DOCK7: variants seen among roughly 807,000 people sequenced by gnomAD.
DOCK7 encodes dedicator of cytokinesis 7, also known as dedicator of cytokinesis protein 7.
Under a neutral mutation model 271.0 loss-of-function variants are expected in DOCK7, and 138 were observed. The observed-to-expected ratio is 0.51, with a 90% CI of 0.44 to 0.59. The LOEUF (loss-of-function observed/expected upper bound fraction) is 0.59. DOCK7 is among the 20% of genes least tolerant of loss of function. The pLI, the probability that DOCK7 is intolerant of heterozygous loss-of-function variation, is 0.00. For synonymous variants in DOCK7, 823 were observed against 876.1 expected, an observed-to-expected ratio of 0.94 and a Z score of 1.07; for missense variants, 2,066 against 2,592.4, an observed-to-expected ratio of 0.80 and a Z score of 4.41.
chr1:62,518,490 C>T (rs1463332231), intron 31 of DOCK7, among the ~76,000 whole-genome samples: 2 of 151,704 alleles, frequency 1.3e-5, no homozygotes, highest in Admixed American at 6.6e-5. Flanking sequence ...AGGAGAATGG[C>T]GTGAACCCAG....
intron 14 of DOCK7, among the ~76,000 whole-genome samples, chr1:62,612,355 A>T (rs1651901051): frequency 6.6e-6 from 1 of 152,138 alleles, no homozygotes; most frequent in Admixed American, 6.5e-5. Context: ...CAGTGAGGGA[A>T]CAACACAGAC....
At chr1:62,684,870 C>A (rs1213134507) in intron 1 of DOCK7, among the ~76,000 whole-genome samples, 1 of 152,080 alleles carries the variant, frequency 6.6e-6, no homozygotes, top group Non-Finnish European at 1.5e-5. Flanking sequence ...ATCACAGCCT[C>A]AAAAAATAAC....
At chr1:62,604,811 T>C (rs1650728405) in intron 14 of DOCK7, 1 of 1,612,622 alleles carries the variant, frequency 6.2e-7, no homozygotes, top group Non-Finnish European at 8.5e-7. Context: ...CAGAAAGCTT[T>C]GAATGAACTG....
At chr1:62,666,167 A>G (rs1659296915) in intron 1 of DOCK7, among the ~76,000 whole-genome samples, 1 of 152,140 alleles carries the variant, frequency 6.6e-6, no homozygotes, top group Non-Finnish European at 1.5e-5. Context: ...CTGTCACAAA[A>G]ATAAATAAAT....
chr1:62,585,713 A>G (rs1051758363), intron 15 of DOCK7, among the ~76,000 whole-genome samples: 2 of 152,204 alleles, frequency 1.3e-5, no homozygotes, highest in African/African-American at 4.8e-5. Context: ...CTTTGGTTTC[A>G]GCACAAAAGT....
chr1:62,546,298 G>T (rs1645705481), intron 22 of DOCK7, among the ~76,000 whole-genome samples: 2 of 152,010 alleles, frequency 1.3e-5, no homozygotes, highest in African/African-American at 4.8e-5. Flanking sequence ...AAAAAGAAAA[G>T]AAAGAAAAAC....
chr1:62,517,978 T>C (rs887354194), intron 31 of DOCK7, among the ~76,000 whole-genome samples: 2 of 152,216 alleles, frequency 1.3e-5, no homozygotes, highest in South Asian at 2.1e-4. Flanking sequence ...TACATAATTA[T>C]ATTTTCTAAC....
At chr1:62,487,341 A>T in intron 43 of DOCK7, 57 bp downstream of exon 43, 1 of 1,564,004 alleles carries the variant, frequency 6.4e-7, no homozygotes, top group Non-Finnish European at 8.8e-7. Context: ...GCATTGGCAT[A>T]AGAAATCTGA....
chr1:62,554,926 A>T (rs1410701274), intron 21 of DOCK7, among the ~76,000 whole-genome samples: 2 of 152,250 alleles, frequency 1.3e-5, no homozygotes, highest in Admixed American at 1.3e-4. Context: ...GGTTACTATT[A>T]TGTCTAGTGT....
chr1:62,683,701 G>A (rs1245108937), intron 1 of DOCK7, among the ~76,000 whole-genome samples: 4 of 151,792 alleles, frequency 2.6e-5, no homozygotes, highest in Non-Finnish European at 4.4e-5. Context: ...TTGGGAGGCC[G>A]AGGTGGGCAG....
At chr1:62,584,483 T>C (rs187884614) in intron 15 of DOCK7, 725 of 1,046,926 alleles carry the variant, frequency 6.9e-4, no homozygotes, top group Middle Eastern at 2.7e-3. Context: ...CATAAAAACA[T>C]TGTATTTTCA....
chr1:62,646,149 C>T (rs377590350), intron 7 of DOCK7, among the ~76,000 whole-genome samples: 25 of 116,490 alleles, frequency 2.1e-4, no homozygotes, highest in African/African-American at 6.9e-4. Context: ...GAGTGAGACT[C>T]CGTCTCAAAA....
At chr1:62,460,071 G>C (rs1478382665) in intron 48 of DOCK7, among the ~76,000 whole-genome samples, 1 of 125,410 alleles carries the variant, frequency 8.0e-6, no homozygotes, top group African/African-American at 3.1e-5. Flanking sequence ...CTACACTCCA[G>C]CCTGGGTGAC....
intron 14 of DOCK7, among the ~76,000 whole-genome samples, chr1:62,600,418 C>A (rs1258294686): frequency 6.6e-6 from 1 of 151,682 alleles, no homozygotes; most frequent in African/African-American, 2.4e-5. Context: ...ATCATTCATG[C>A]CAGCATCAAA....
chr1:62,667,207 A>G (rs1378378177), intron 1 of DOCK7, among the ~76,000 whole-genome samples: 1 of 152,216 alleles, frequency 6.6e-6, no homozygotes, highest in Non-Finnish European at 1.5e-5. Flanking sequence ...GAAAAAATGA[A>G]TAAGGAGAGT....
At chr1:62,570,458 G>A (rs10789115) in intron 18 of DOCK7, among the ~76,000 whole-genome samples, 59,458 of 151,936 alleles carry the variant, frequency 0.39, 12,518 homozygotes, top group African/African-American at 0.55. Flanking sequence ...AATCAATATC[G>A]TGAAAATGGC....
intron 18 of DOCK7, among the ~76,000 whole-genome samples, chr1:62,563,039 T>C (rs770040864): frequency 4.6e-5 from 7 of 152,140 alleles, no homozygotes; most frequent in South Asian, 2.1e-4. Context: ...TGCCTGGTGA[T>C]AGCAAGCCCC....
At position 62,593,742 on chromosome 1, in the gene DOCK7, C is replaced by T. The variant is rs141865032; in HGVS notation, c.1683-7118G>A. 5.2e-3 allele frequency among the ~76,000 whole-genome samples: 788 copies of T among 152,236 alleles called. 3 individuals carry two copies. The highest frequency in any genetic ancestry group is 0.017 in the African/African-American group (719 of 41,554). ...TCTGGATCTACACTGTCCAAAAAGA[C>T]GGTCTAATGAGACAATTGAGCACTT... On this transcript the variant is annotated intron_variant, in intron 14 of 49. Coordinates refer to ENST00000635253, the MANE Select transcript of DOCK7 (RefSeq NM_001367561.1).
At chr1:62,519,660 C>T (rs1195910559) in intron 31 of DOCK7, among the ~76,000 whole-genome samples, 1 of 151,846 alleles carries the variant, frequency 6.6e-6, no homozygotes. Flanking sequence ...GCAATGTGAT[C>T]CTAGAGGCGA....
Sources: gnomAD v4.1 joint callset for allele counts (sites outside exome capture counted in the v4.1 genomes callset) on GRCh38, gnomAD v4.1.1 for gene constraint, MANE v1.5 for transcripts, NCBI Gene and HGNC (gene_info 2026-07-23, HGNC 2026-07-21) for gene names.